Variants in ZNF621 observed in about 807,000 individuals in gnomAD.
ZNF621 encodes the protein zinc finger protein 621.
Under a neutral mutation model 12.7 loss-of-function variants are expected in ZNF621, and 6 were observed. The ratio of observed to expected loss-of-function variants is 0.47; its 90% CI spans 0.26 to 0.93. The LOEUF is 0.93. Ranked by LOEUF, ZNF621 falls within the 40% of genes least tolerant of loss-of-function variation. The pLI, the probability that ZNF621 is intolerant of heterozygous loss-of-function variation, is 0.15. For synonymous variants in ZNF621, 156 were observed against 190.3 expected (o/e 0.82, Z 1.48); for missense variants, 474 against 524.0 (o/e 0.90, Z 0.93).
chr3:40,523,569 T>G (rs1256002851), upstream of ZNF621, among the ~76,000 whole-genome samples: 1 of 152,074 alleles, frequency 6.6e-6, no homozygotes, highest in Admixed American at 6.5e-5. Flanking sequence ...ATCGACACCA[T>G]CCTGGCTAAC....
In ZNF621 at chr3:40,532,936, C is replaced by T. The variant is rs141008525; in HGVS notation, c.1166C>T (p.Ala389Val). The change falls in exon 5 of 5, where the codon GCT (alanine) becomes GTT (valine). Residue 389 changes from alanine to valine, a missense_variant. Transcript: ENST00000339296. ...GTGCCTTCACTGACCTTTCCACATG[C>T]TGTGCTCATTCCTACCTCTGGGAAT... ...VAVPSLTFPH[A>V]VLIPTSGNFF... 10 of 1,560,756 alleles carry T rather than the reference C, an allele frequency of 6.4e-6. No homozygotes were observed. The East Asian group carries it at 2.2e-4, about 34-fold the overall frequency.
Position 40,530,269 on chromosome 3 carries a change from G to A in ZNF621, c.212G>A (p.Trp71Ter), listed in dbSNP as rs746779831. ...ISHLERGEAPWGPDPWDTEIL... is the reference protein window; with the variant it reads ...ISHLERGEAP ...CACCTGGAGAGAGGGGAAGCACCAT[G>A]GGGCCCAGATCCCTGGGACACCGAG... The change falls in exon 4 of 5, where the codon TGG (tryptophan) becomes TAG (stop). Residue 71 changes from tryptophan to a stop codon, truncating the protein, a stop_gained. Coordinates refer to ENST00000339296, the MANE Select transcript of ZNF621 (RefSeq NM_198484.5). LOFTEE classifies it low-confidence loss of function (END_TRUNC). The A allele has an allele frequency of 6.2e-7, 1 of 1,613,694 alleles. No individual in the cohort carries two copies. The highest frequency in any genetic ancestry group is 8.5e-7 in the Non-Finnish European group (1 of 1,179,828).
At position 40,529,428 on chromosome 3, in the gene ZNF621, CAAATGT is replaced by C. The variant is rs1174989279; in HGVS notation, c.135_140del (p.Asn46_Val47del). 1 of 1,613,104 alleles carries C rather than the reference CAAATGT, an allele frequency of 6.2e-7. No individual in the cohort carries two copies. Among genetic ancestry groups the C allele is most frequent in the African/African-American group, 1.3e-5 (1 of 74,878 alleles). On this transcript the variant is annotated inframe_deletion, in exon 3 of 5. Coordinates refer to ENST00000339296, the MANE Select transcript of ZNF621 (RefSeq NM_198484.5). ...GGGGAGGTGATGCTGGAGAATTATG[CAAATGT>C]GGCTTCTCTGGGTAAGGCCTCCCTC...
chr3:40,536,315 C>T lies in ZNF621; in HGVS notation c.*3225C>T, dbSNP rs1575313019. 1 of 152,308 alleles carries T rather than the reference C, an allele frequency of 6.6e-6. No individual in the cohort carries two copies. 9.4% of individuals were successfully genotyped at this position (152,308 alleles called of 1,614,324 possible). A position where few individuals can be genotyped will look rare whatever the true frequency, so the allele number is the denominator to read the frequency against. On this transcript the variant is annotated 3_prime_UTR_variant, in exon 5 of 5. Coordinates refer to ENST00000339296, the MANE Select transcript of ZNF621 (RefSeq NM_198484.5). ...AGGCTGGTCTTGAACTCCTGGCAGC[C>T]TCAAGTGATCCACCCACCTCGGTCT...
chr3:40,533,461 A>T lies in ZNF621; in HGVS notation c.*371A>T, dbSNP rs564368729. The T allele has an allele frequency of 7.8e-5, 17 of 217,334 alleles. No individual in the cohort carries two copies. Among genetic ancestry groups the T allele is most frequent in the African/African-American group, 3.6e-4 (16 of 44,152 alleles). 13.5% of individuals were successfully genotyped at this position (217,334 alleles called of 1,614,324 possible). ...CAGCCTCCAACCTAATTTGAGTTTC[A>T]TTTGTATTTTTTTCATCACCTTACA... On this transcript the variant is annotated 3_prime_UTR_variant, in exon 5 of 5. Coordinates refer to ENST00000339296, the MANE Select transcript of ZNF621 (RefSeq NM_198484.5).
At chr3:40,529,158 G>A (rs1698657890) in intron 2 of ZNF621, 161 bp from the exon 3 acceptor site, 4 of 755,148 alleles carry the variant, frequency 5.3e-6, no homozygotes, top group Non-Finnish European at 8.5e-6. Flanking sequence ...CTGGCTGAGG[G>A]CTCGCCCCTG....
rs1157411383 is a variant in ZNF621 at position 40,535,296 on chromosome 3, A to G, written c.*2206A>G. On this transcript the variant is annotated 3_prime_UTR_variant, in exon 5 of 5. Coordinates refer to ENST00000339296, the MANE Select transcript of ZNF621 (RefSeq NM_198484.5). ...AGTGCCAGTGTTTTAAGGTTCTGTC[A>G]CACTCAGTAACCCACTTCTGGTTCC... 4 of 152,224 alleles carry G rather than the reference A, an allele frequency of 2.6e-5. No individual in the cohort carries two copies. Among genetic ancestry groups the G allele is most frequent in the Non-Finnish European group, 5.9e-5 (4 of 68,032 alleles). The allele number at this position is 152,224 out of a possible 1,614,324, so 9.4% of individuals were successfully genotyped here.
At position 40,534,856 on chromosome 3, in the gene ZNF621, G is replaced by C. The variant is rs1698825150; in HGVS notation, c.*1766G>C. 1 of 152,152 alleles carries C rather than the reference G, an allele frequency of 6.6e-6. No homozygotes were observed. The highest frequency in any genetic ancestry group is 1.5e-5 in the Non-Finnish European group (1 of 68,034). 9.4% of individuals were successfully genotyped at this position (152,152 alleles called of 1,614,324 possible). On this transcript the variant is annotated 3_prime_UTR_variant, in exon 5 of 5. Coordinates refer to ENST00000339296, the MANE Select transcript of ZNF621 (RefSeq NM_198484.5). ...CTAAATGCAGTTCTTTGCCTTCTCTGTTCCTGCACCAAAAATGATCAGGAG... is the reference window on the plus strand; with the variant it reads ...CTAAATGCAGTTCTTTGCCTTCTCTCTTCCTGCACCAAAAATGATCAGGAG...
upstream of ZNF621, among the ~76,000 whole-genome samples, chr3:40,524,667 G>T (rs1698532033): frequency 6.6e-6 from 1 of 152,196 alleles, no homozygotes; most frequent in African/African-American, 2.4e-5. Context: ...CAGCTGAGGC[G>T]CAGCCCGTGA....
Position 40,530,223 on chromosome 3 carries a change from C to T in ZNF621, c.166C>T (p.Pro56Ser). The T allele has an allele frequency of 1.9e-6, 3 of 1,612,246 alleles. No homozygotes were observed. Among genetic ancestry groups the T allele is most frequent in the Non-Finnish European group, 2.5e-6 (3 of 1,178,956 alleles). Reference sequence around the variant, plus strand: ...TCTTCATGAAGTAGCGTTTCCATTCCCCAAACCTGCTCTGATCTCCCACCT... The same window carrying T: ...TCTTCATGAAGTAGCGTTTCCATTCTCCAAACCTGCTCTGATCTCCCACCT... ...NVASLVAFPF[P>S]KPALISHLER... Residue 56 changes from proline to serine, a missense_variant, in exon 4 of 5, where the codon CCC becomes TCC. Transcript: ENST00000339296.
chr3:40,529,903 C>T (rs1698680635), intron 3 of ZNF621, among the ~76,000 whole-genome samples: 1 of 152,130 alleles, frequency 6.6e-6, no homozygotes, highest in South Asian at 2.1e-4. Context: ...TTTGTCCATC[C>T]AGTTTTCTGG....
At position 40,538,394 on chromosome 3, in the gene ZNF621, T is replaced by C. The variant is rs1698922028; in HGVS notation, c.*5304T>C. The C allele has an allele frequency of 4.8e-6, 1 of 208,614 alleles. No individual in the cohort carries two copies. The highest frequency in any genetic ancestry group is 1.0e-5 in the Non-Finnish European group (1 of 99,580). The allele number at this position is 208,614 out of a possible 1,614,324, so 12.9% of individuals were successfully genotyped here. On this transcript the variant is annotated 3_prime_UTR_variant, in exon 5 of 5. Coordinates refer to ENST00000339296, the MANE Select transcript of ZNF621 (RefSeq NM_198484.5). The stretch of plus-strand genomic sequence containing the variant: ...TGGATGTGGTGGTGTGTGCCTGTAA[T>C]CCCAGCTACTTGGGAGGCTGAGGCA...
intron 3 of ZNF621, 93 bp downstream of exon 3, chr3:40,529,538 A>C: frequency 6.3e-7 from 1 of 1,594,942 alleles, no homozygotes; most frequent in East Asian, 2.3e-5. Flanking sequence ...ATGACTTCAG[A>C]GGAGAGTTTT....
Position 40,535,159 on chromosome 3 carries a change from A to G in ZNF621, c.*2069A>G, listed in dbSNP as rs912874082. ...CAGCCCCGTGCTAGAATGAGAACAT[A>G]TGGAGCCAACTTGAGTTCGGAAGGG... is the stretch of plus-strand genomic sequence containing the variant. On this transcript the variant is annotated 3_prime_UTR_variant, in exon 5 of 5. Coordinates refer to ENST00000339296, the MANE Select transcript of ZNF621 (RefSeq NM_198484.5). 2.0e-5 allele frequency: 3 copies of G among 152,256 alleles called. No homozygotes were observed. Among genetic ancestry groups the G allele is most frequent in the Non-Finnish European group, 4.4e-5 (3 of 68,050 alleles). The allele number at this position is 152,256 out of a possible 1,614,324, so 9.4% of individuals were successfully genotyped here.
At chr3:40,524,266 G>C (rs945110736), upstream of ZNF621, among the ~76,000 whole-genome samples, 2 of 152,160 alleles carry the variant, frequency 1.3e-5, no homozygotes, top group East Asian at 1.9e-4. Flanking sequence ...CAGTTACTGA[G>C]CAGAAAAATA....
At chr3:40,527,206 C>CGGG (rs1200779675) in intron 2 of ZNF621, among the ~76,000 whole-genome samples, 3 of 151,928 alleles carry the variant, frequency 2.0e-5, no homozygotes, top group Non-Finnish European at 2.9e-5. Context: ...TTAGTAGAGA[C>CGGG]GGGGGTTCTC....
At chr3:40,530,369 T>C in intron 4 of ZNF621, 53 bp downstream of exon 4, 2 of 1,446,522 alleles carry the variant, frequency 1.4e-6, no homozygotes, top group Non-Finnish European at 1.9e-6. Flanking sequence ...CCTGGTTTAC[T>C]AGGTAAGAAG....
intron 2 of ZNF621, among the ~76,000 whole-genome samples, chr3:40,527,234 C>T (rs888714669): frequency 1.3e-5 from 2 of 152,066 alleles, no homozygotes; most frequent in Non-Finnish European, 2.9e-5. Flanking sequence ...GTCAGCTGAT[C>T]TCGAACTCCC....
chr3:40,532,030 G>C lies in ZNF621; in HGVS notation c.260G>C (p.Gly87Ala), dbSNP rs1698736821. 6.2e-7 allele frequency: 1 copy of C among 1,600,772 alleles called. No individual in the cohort carries two copies. The highest frequency in any genetic ancestry group is 8.5e-7 in the Non-Finnish European group (1 of 1,173,240). Residue 87 changes from glycine to alanine, a missense_variant and splice_region_variant, in exon 5 of 5, where the codon GGT (glycine) becomes GCT (alanine). Coordinates refer to ENST00000339296, the MANE Select transcript of ZNF621 (RefSeq NM_198484.5). ...DTEILRGISQGGESWIKNEGL... is the reference protein window; with the variant it reads ...DTEILRGISQAGESWIKNEGL... Reference sequence around the variant, plus strand: ...GAACACTTGTGGTTTCTTTGGTCAGGTGGTGAGTCCTGGATCAAAAATGAA... The same window carrying C: ...GAACACTTGTGGTTTCTTTGGTCAGCTGGTGAGTCCTGGATCAAAAATGAA...
Sources: allele counts gnomAD v4.1 joint callset (sites outside exome capture counted in the v4.1 genomes callset), GRCh38; gene constraint gnomAD v4.1.1; transcripts MANE v1.5; gene names NCBI Gene and HGNC (gene_info 2026-07-23, HGNC 2026-07-21).